Variants in AKAP6 observed in about 807,000 individuals in gnomAD.
AKAP6 encodes A-kinase anchor protein 6.
A neutral mutation model predicts 188.5 loss-of-function variants in AKAP6; 58 were observed. The observed-to-expected ratio is 0.31, with a 90% CI of 0.25 to 0.38. The LOEUF is 0.38. Ranked by LOEUF, AKAP6 falls within the 10% of genes least tolerant of loss-of-function variation. The pLI is 1.00. For missense variants in AKAP6, 2,710 were observed against 2,740.0 expected (o/e 0.99, Z 0.24); for synonymous variants, 989 against 998.6 (o/e 0.99, Z 0.18).
chr14:32,612,217 G>C (rs1293994965), intron 7 of AKAP6, among the ~76,000 whole-genome samples: 10 of 152,076 alleles, frequency 6.6e-5, no homozygotes, highest in Non-Finnish European at 4.4e-5. Flanking sequence ...TCGTGGTTTT[G>C]AATTTCTGTT....
intron 1 of AKAP6, among the ~76,000 whole-genome samples, chr14:32,404,905 G>A (rs928996978): frequency 6.7e-6 from 1 of 148,990 alleles, no homozygotes; most frequent in East Asian, 2.0e-4. Context: ...AGATGGGCAA[G>A]CAATAACTGT....
chr14:32,795,723 C>T (rs972323859), intron 12 of AKAP6, among the ~76,000 whole-genome samples: 1 of 152,106 alleles, frequency 6.6e-6, no homozygotes, highest in African/African-American at 2.4e-5. Flanking sequence ...AAAACTGGCA[C>T]AAGACAAGGA....
At chr14:32,685,767 C>T (rs1209782425) in intron 8 of AKAP6, among the ~76,000 whole-genome samples, 2 of 147,794 alleles carry the variant, frequency 1.4e-5, no homozygotes, top group African/African-American at 4.9e-5. Flanking sequence ...GTTCAAATGG[C>T]TTTTATTCAA....
intron 2 of AKAP6, among the ~76,000 whole-genome samples, chr14:32,467,831 C>A (rs778469298): frequency 6.6e-6 from 1 of 152,052 alleles, no homozygotes; most frequent in Non-Finnish European, 1.5e-5. Flanking sequence ...ATTCAGGATG[C>A]ACCTCTCTGT....
chr14:32,822,606 G>T lies in AKAP6; in HGVS notation c.4793G>T (p.Ser1598Ile). The change falls in exon 13 of 14, where the codon AGT becomes ATT. Residue 1598 changes from serine (S) to isoleucine (I), a missense_variant. Transcript: ENST00000280979. ...DSLQRSTSLE[S>I]WLTSYKSNED... The stretch of plus-strand genomic sequence containing the variant: ...CTCCAGCGAAGCACTTCTTTAGAAA[G>T]TTGGTTGACTTCCTATAAAAGCAAT... 1 of 1,614,006 alleles carries T rather than the reference G, an allele frequency of 6.2e-7. No individual in the cohort carries two copies. The highest frequency in any genetic ancestry group is 8.5e-7 in the Non-Finnish European group (1 of 1,179,958).
At chr14:32,664,798 T>C (rs778762750) in intron 7 of AKAP6, among the ~76,000 whole-genome samples, 4 of 152,108 alleles carry the variant, frequency 2.6e-5, no homozygotes, top group African/African-American at 4.8e-5. Context: ...GGTCTACTCC[T>C]GTCTGAGATC....
chr14:32,366,419 T>G (rs1421132211), intron 1 of AKAP6, among the ~76,000 whole-genome samples: 1 of 152,192 alleles, frequency 6.6e-6, no homozygotes, highest in Non-Finnish European at 1.5e-5. Flanking sequence ...TGTGTGCTGA[T>G]AGCCTGTCTC....
chr14:32,803,527 G>A (rs1170153356), intron 12 of AKAP6, among the ~76,000 whole-genome samples: 2 of 152,248 alleles, frequency 1.3e-5, no homozygotes, highest in East Asian at 1.9e-4. Flanking sequence ...AACTCCCAGA[G>A]TCGAGCTCAA....
chr14:32,652,508 C>T (rs539199630), intron 7 of AKAP6, among the ~76,000 whole-genome samples: 1 of 152,312 alleles, frequency 6.6e-6, no homozygotes, highest in East Asian at 1.9e-4. Context: ...GCCTTCTGAT[C>T]TTTATAAAAT....
chr14:32,429,986 G>A (rs1890160849), intron 1 of AKAP6, among the ~76,000 whole-genome samples: 1 of 152,170 alleles, frequency 6.6e-6, no homozygotes, highest in South Asian at 2.1e-4. Context: ...AACTTCTAGA[G>A]GGGAGAATCT....
chr14:32,410,077 A>G (rs953447524), intron 1 of AKAP6, among the ~76,000 whole-genome samples: 10 of 152,156 alleles, frequency 6.6e-5, no homozygotes, highest in Admixed American at 2.6e-4. Flanking sequence ...TTTCCTTGTC[A>G]TATCTTGAAA....
intron 1 of AKAP6, among the ~76,000 whole-genome samples, chr14:32,423,045 G>C (rs903094876): frequency 6.6e-6 from 1 of 152,042 alleles, no homozygotes; most frequent in Non-Finnish European, 1.5e-5. Flanking sequence ...TTCTTGAGTG[G>C]TTATATTTAA....
At chr14:32,734,519 G>T (rs562151732) in intron 10 of AKAP6, 2 of 151,996 alleles carry the variant, frequency 1.3e-5, no homozygotes, top group African/African-American at 2.4e-5. Context: ...TTATGAAGAC[G>T]GACCATTCTC....
At chr14:32,579,539 C>T (rs1884872575) in intron 5 of AKAP6, among the ~76,000 whole-genome samples, 1 of 152,076 alleles carries the variant, frequency 6.6e-6, no homozygotes, top group Non-Finnish European at 1.5e-5. Flanking sequence ...CTAACAGTTA[C>T]TGAAGACCTA....
intron 7 of AKAP6, among the ~76,000 whole-genome samples, chr14:32,637,144 T>C (rs1000482910): frequency 6.6e-6 from 1 of 152,156 alleles, no homozygotes; most frequent in Non-Finnish European, 1.5e-5. Context: ...GTTGGAAGGA[T>C]TAAATGTAAA....
At chr14:32,353,822 A>G (rs1887380586) in intron 1 of AKAP6, among the ~76,000 whole-genome samples, 1 of 152,158 alleles carries the variant, frequency 6.6e-6, no homozygotes, top group South Asian at 2.1e-4. Flanking sequence ...TAACAGACAA[A>G]CAGAGAGCCA....
intron 1 of AKAP6, among the ~76,000 whole-genome samples, chr14:32,356,598 A>T (rs570742190): frequency 6.6e-6 from 1 of 151,902 alleles, no homozygotes; most frequent in African/African-American, 2.4e-5. Flanking sequence ...ATCTTCAATG[A>T]CTCTCCTTTG....
intron 2 of AKAP6, among the ~76,000 whole-genome samples, chr14:32,447,526 G>A (rs1890795617): frequency 6.6e-6 from 1 of 152,024 alleles, no homozygotes; most frequent in African/African-American, 2.4e-5. Context: ...GAATTTTCCT[G>A]GAATTAACCC....
intron 4 of AKAP6, among the ~76,000 whole-genome samples, chr14:32,557,090 G>C (rs1883720818): frequency 6.6e-6 from 1 of 151,770 alleles, no homozygotes; most frequent in Admixed American, 6.6e-5. Context: ...TTGTTGGTTT[G>C]TTTTTGTTTT....
Sources: allele counts gnomAD v4.1 joint callset (sites outside exome capture counted in the v4.1 genomes callset), GRCh38; gene constraint gnomAD v4.1.1; transcripts MANE v1.5; gene names NCBI Gene and HGNC (gene_info 2026-07-23, HGNC 2026-07-21).